Variants in ZMYM4 observed in about 807,000 individuals in gnomAD.
ZMYM4 encodes the protein zinc finger MYM-type containing 4.
In ZMYM4, 31 loss-of-function variants were observed where a neutral mutation model predicts 183.2. That is an observed-to-expected ratio of 0.17 (90% CI 0.13 to 0.23). The LOEUF is 0.23. Among genes scored for constraint, ZMYM4 ranks in the 10% least tolerant of loss-of-function variants. The pLI, the probability that ZMYM4 is intolerant of heterozygous loss-of-function variation, is 1.00. For synonymous variants in ZMYM4, 592 were observed against 631.2 expected (o/e 0.94, Z 0.93); for missense variants, 1,273 against 1,840.3 (o/e 0.69, Z 5.64).
intron 1 of ZMYM4, among the ~76,000 whole-genome samples, chr1:35,283,473 G>C (rs1640300361): frequency 6.6e-6 from 1 of 151,088 alleles, no homozygotes; most frequent in African/African-American, 2.4e-5. Flanking sequence ...GAATACCTGG[G>C]ACTACAGGCG....
At chr1:35,360,790 A>C (rs1219641549) in intron 3 of ZMYM4, among the ~76,000 whole-genome samples, 1 of 152,090 alleles carries the variant, frequency 6.6e-6, no homozygotes, top group Admixed American at 6.6e-5. Flanking sequence ...TTTTTAACTT[A>C]GTGAACAGGG....
intron 17 of ZMYM4, among the ~76,000 whole-genome samples, chr1:35,392,962 T>C (rs1473069225): frequency 6.6e-6 from 1 of 152,204 alleles, no homozygotes; most frequent in Non-Finnish European, 1.5e-5. Flanking sequence ...TGAAAGACTT[T>C]TGGATGTTTT....
Position 35,385,470 on chromosome 1 carries a change from T to C in ZMYM4, c.1598T>C (p.Leu533Pro). ...TCAGCCAAAATTACACCGTGTGCGC[T>C]TTGCAAATCATTGAGATCCTCAGCA... ...QKSAKITPCA[L>P]CKSLRSSAEM... Residue 533 changes from leucine to proline, a missense_variant, in exon 10 of 30, where the codon CTT becomes CCT. This residue lies in a region of ZMYM4 where 319 missense variants were observed against 518.1 expected (regional missense o/e 0.62). Coordinates refer to ENST00000314607, the MANE Select transcript of ZMYM4 (RefSeq NM_005095.3). 1.2e-6 allele frequency: 2 copies of C among 1,612,472 alleles called. No homozygotes were observed. Among genetic ancestry groups the C allele is most frequent in the Non-Finnish European group, 8.5e-7 (1 of 1,179,592 alleles).
intron 22 of ZMYM4, 50 bp downstream of exon 22, chr1:35,399,093 G>A (rs530360642): frequency 2.4e-4 from 370 of 1,569,682 alleles, no homozygotes; most frequent in Non-Finnish European, 7.4e-5. Flanking sequence ...TTAAAAGATC[G>A]GTACAACTCT....
chr1:35,347,287 G>A (rs1301454401), intron 2 of ZMYM4, among the ~76,000 whole-genome samples: 7 of 152,220 alleles, frequency 4.6e-5, no homozygotes, highest in African/African-American at 9.6e-5. Context: ...GATTACAGGC[G>A]TGAGCCACCG....
chr1:35,299,735 T>C (rs1483923482), intron 1 of ZMYM4, among the ~76,000 whole-genome samples: 1 of 152,142 alleles, frequency 6.6e-6, no homozygotes, highest in Non-Finnish European at 1.5e-5. Context: ...AGTTACACTC[T>C]TATGCAAACA....
At chr1:35,283,612 C>T (rs1407255593) in intron 1 of ZMYM4, among the ~76,000 whole-genome samples, 2 of 151,978 alleles carry the variant, frequency 1.3e-5, no homozygotes, top group African/African-American at 2.4e-5. Context: ...GCTGGGATTA[C>T]AGGTGTGAGG....
At chr1:35,378,429 T>A (rs564329912) in intron 7 of ZMYM4, among the ~76,000 whole-genome samples, 1 of 152,336 alleles carries the variant, frequency 6.6e-6, no homozygotes, top group Admixed American at 6.5e-5. Context: ...TCTTAAATAA[T>A]GAGTTGCAAA....
chr1:35,317,933 A>G (rs879281018), intron 1 of ZMYM4, among the ~76,000 whole-genome samples: 17 of 152,334 alleles, frequency 1.1e-4, no homozygotes, highest in African/African-American at 3.6e-4. Context: ...GACGAATGTC[A>G]TAGTGGAAGT....
chr1:35,390,590 G>A (rs1056340538), intron 15 of ZMYM4, among the ~76,000 whole-genome samples: 1 of 152,180 alleles, frequency 6.6e-6, no homozygotes, highest in African/African-American at 2.4e-5. Flanking sequence ...AGTTAAGGCA[G>A]GAACCGGCCA....
chr1:35,403,958 T>A (rs1180517814), intron 23 of ZMYM4, among the ~76,000 whole-genome samples: 1 of 152,234 alleles, frequency 6.6e-6, no homozygotes, highest in African/African-American at 2.4e-5. Flanking sequence ...TTTATTGGCA[T>A]GAGAGTCACA....
intron 25 of ZMYM4, 46 bp downstream of exon 25, chr1:35,405,514 A>G: frequency 1.4e-6 from 2 of 1,385,040 alleles, no homozygotes; most frequent in Non-Finnish European, 2.0e-6. Context: ...TTATATTATT[A>G]TTGCGGATTT....
chr1:35,286,681 C>T (rs1326161362), intron 1 of ZMYM4, among the ~76,000 whole-genome samples: 1 of 147,306 alleles, frequency 6.8e-6, no homozygotes, highest in Admixed American at 6.9e-5. Flanking sequence ...TCACTGAAGG[C>T]TTGACCTCCT....
chr1:35,299,927 T>C (rs1641201176), intron 1 of ZMYM4, among the ~76,000 whole-genome samples: 1 of 152,018 alleles, frequency 6.6e-6, no homozygotes, highest in Non-Finnish European at 1.5e-5. Flanking sequence ...ACAGAGTAGC[T>C]GGGACTACAG....
chr1:35,324,444 T>C (rs1357800978), intron 1 of ZMYM4, among the ~76,000 whole-genome samples: 1 of 152,046 alleles, frequency 6.6e-6, no homozygotes, highest in African/African-American at 2.4e-5. Flanking sequence ...GGAGTGGTGG[T>C]TCTGTTTGTT....
Position 35,415,391 on chromosome 1 carries a change from T to C in ZMYM4, c.4061-75T>C, listed in dbSNP as rs111296202. The C allele has an allele frequency of 5.5e-5, 86 of 1,573,094 alleles. 3 individuals carry two copies. In the African/African-American group the frequency reaches 6.0e-4, roughly 11 times the overall value. On this transcript the variant is annotated intron_variant, in intron 27 of 29. Coordinates refer to ENST00000314607, the MANE Select transcript of ZMYM4 (RefSeq NM_005095.3). ...GTTTTTCTCTTTATATCTCCCTGTC[T>C]TAGAATTTGAGAGATTACTTAGTCT...
intron 5 of ZMYM4, among the ~76,000 whole-genome samples, chr1:35,366,739 C>G (rs897026704): frequency 6.6e-6 from 1 of 152,100 alleles, no homozygotes; most frequent in African/African-American, 2.4e-5. Context: ...AGGCCAGGTG[C>G]GGTGGCTCAC....
At position 35,419,645 on chromosome 1, in the gene ZMYM4, T is replaced by C; in HGVS notation, c.4615T>C (p.Ser1539Pro). 1 of 1,614,154 alleles carries C rather than the reference T, an allele frequency of 6.2e-7. No individual in the cohort carries two copies. The highest frequency in any genetic ancestry group is 8.5e-7 in the Non-Finnish European group (1 of 1,180,014). ...EVHEELAKAK[S>P]EDSDVELSD ...ACATGAAGAACTTGCCAAAGCCAAA[T>C]CTGAAGACTCTGATGTTGAATTATC... is the stretch of plus-strand genomic sequence containing the variant. Residue 1539 changes from serine to proline, a missense_variant, in exon 30 of 30, where the codon TCT (serine) becomes CCT (proline). Physicochemically the swap from Ser to Pro is moderately conservative, Grantham distance 74 (BLOSUM62 -1). Around this residue, in one of 6 missense-constraint regions of ZMYM4, gnomAD observed 145 missense variants for 331.6 expected, o/e 0.44. Transcript: ENST00000314607.
Position 35,394,180 on chromosome 1 carries a change from T to C in ZMYM4, c.2911+441T>C, listed in dbSNP as rs963955909. On this transcript the variant is annotated intron_variant, in intron 18 of 29. Coordinates refer to ENST00000314607, the MANE Select transcript of ZMYM4 (RefSeq NM_005095.3). ...GAGCTTTCTTTTTTTTTTTTTTTTTTTTTTTTTTTTTTATGAACTGCCTCT... is the reference window on the plus strand; with the variant it reads ...GAGCTTTCTTTTTTTTTTTTTTTTTCTTTTTTTTTTTTATGAACTGCCTCT... 3.4e-3 allele frequency among the ~76,000 whole-genome samples: 461 copies of C among 137,528 alleles called. 9 individuals are homozygous for C. Among genetic ancestry groups the C allele is most frequent in the African/African-American group, 0.012 (449 of 37,776 alleles). The allele number at this position is 137,528 out of a possible 152,430, so 90.2% of individuals were successfully genotyped here.
Sources: allele counts gnomAD v4.1 joint callset (sites outside exome capture counted in the v4.1 genomes callset), GRCh38; gene constraint gnomAD v4.1.1; regional missense constraint gnomAD v4.1.1; transcripts MANE v1.5; gene names NCBI Gene and HGNC (gene_info 2026-07-23, HGNC 2026-07-21).